The following AGAP1 variants were observed in gnomAD, a reference collection of about 807,000 sequenced individuals.
AGAP1 encodes arf-GAP with GTPase, ANK repeat and PH domain-containing protein 1.
A neutral mutation model predicts 105.3 loss-of-function variants in AGAP1; 29 were observed. The observed-to-expected ratio is 0.28, with a 90% CI of 0.21 to 0.38. The LOEUF (loss-of-function observed/expected upper bound fraction) is 0.38, where lower values mean the gene tolerates loss of function less well. Among genes scored for constraint, AGAP1 ranks in the 10% least tolerant of loss-of-function variants. The pLI, the probability that AGAP1 is intolerant of heterozygous loss-of-function variation, is 1.00. For missense variants in AGAP1, 998 were observed against 1,165.1 expected, an observed-to-expected ratio of 0.86 and a Z score of 2.09; for synonymous variants, 509 against 485.9, an observed-to-expected ratio of 1.05 and a Z score of -0.63.
intron 3 of AGAP1, among the ~76,000 whole-genome samples, chr2:235,722,334 C>T (rs894971049): frequency 3.9e-5 from 6 of 152,210 alleles, no homozygotes; most frequent in Non-Finnish European, 5.9e-5. Context: ...TGTTGCATGT[C>T]TGTGCACAGT....
intron 1 of AGAP1, among the ~76,000 whole-genome samples, chr2:235,515,826 A>T (rs1254397381): frequency 2.0e-5 from 3 of 152,176 alleles, no homozygotes; most frequent in African/African-American, 7.2e-5. Context: ...ACACGCACAG[A>T]GCTGGGCAAA....
rs1943849288 is a variant in AGAP1 at position 235,552,618 on chromosome 2, TGG to T, written c.163+57771_163+57772del. Among the ~76,000 whole-genome samples, 1 of 152,152 alleles carries T rather than the reference TGG, an allele frequency of 6.6e-6. No homozygotes were observed. ...GGCCAGGCACTGGGGATGCGGCGTA[TGG>T]GCAGGTGCACACACACCTGGCAGAG... On this transcript the variant is annotated intron_variant, in intron 1 of 17. Transcript: ENST00000304032. This position sits in a 1 kb window ranked among gnomAD's most constrained non-coding sequence, Gnocchi z 5.9.
rs1322566490 is a variant in AGAP1, at chr2:235,962,984, A to G, written c.1484-5478A>G. On this transcript the variant is annotated intron_variant, in intron 12 of 17. Coordinates refer to ENST00000304032, the MANE Select transcript of AGAP1 (RefSeq NM_001037131.3). The surrounding 1 kb of genome is among the most constrained non-coding windows in gnomAD (Gnocchi z 5.3). Reference sequence around the variant, plus strand: ...AGAACCGGTGGATCTGTGGGAATCCAGAGTCCCATGGGGCTAGAAGTGCTC... The same window carrying G: ...AGAACCGGTGGATCTGTGGGAATCCGGAGTCCCATGGGGCTAGAAGTGCTC... 6.6e-6 allele frequency among the ~76,000 whole-genome samples: 1 copy of G among 152,152 alleles called. No homozygotes were observed. Among genetic ancestry groups the G allele is most frequent in the Non-Finnish European group, 1.5e-5 (1 of 68,038 alleles).
chr2:236,003,726 A>T lies in AGAP1; in HGVS notation c.1646-32835A>T, dbSNP rs1414867929. ...CTGATCAAATTCAGTCATTAACCCCACTGAAACCTGACAAGGCCTGTGTGC... is the reference window on the plus strand; with the variant it reads ...CTGATCAAATTCAGTCATTAACCCCTCTGAAACCTGACAAGGCCTGTGTGC... On this transcript the variant is annotated intron_variant, in intron 13 of 17. Coordinates refer to ENST00000304032, the MANE Select transcript of AGAP1 (RefSeq NM_001037131.3). The surrounding 1 kb of genome is among the most constrained non-coding windows in gnomAD (Gnocchi z 4.2). Among the ~76,000 whole-genome samples the T allele has an allele frequency of 6.6e-6, 1 of 150,958 alleles. No individual in the cohort carries two copies. Among genetic ancestry groups the T allele is most frequent in the Non-Finnish European group, 1.5e-5 (1 of 67,900 alleles).
rs1057138683 is a variant in AGAP1 at position 235,877,058 on chromosome 2, G to A, written c.1051-6287G>A. ...AGTTGGGGCTTCACCATTTGGTCAG[G>A]CTGGTCTCAAACTCCTGACCTCATG... On this transcript the variant is annotated intron_variant, in intron 9 of 17. Transcript: ENST00000304032. This position sits in a 1 kb window ranked among gnomAD's most constrained non-coding sequence, Gnocchi z 4.3. Among the ~76,000 whole-genome samples, 6 of 151,902 alleles carry A rather than the reference G, an allele frequency of 3.9e-5. No individual in the cohort carries two copies. The highest frequency in any genetic ancestry group is 7.4e-5 in the Non-Finnish European group (5 of 67,996).
rs1436086295 is a variant in AGAP1, at chr2:236,053,687, T to A, written c.2114+4406T>A. 3.9e-5 allele frequency among the ~76,000 whole-genome samples: 6 copies of A among 152,260 alleles called. No homozygotes were observed. Among genetic ancestry groups the A allele is most frequent in the African/African-American group, 1.4e-4 (6 of 41,470 alleles). Reference sequence around the variant, plus strand: ...CCCCCAAGGCCCTGCAGGGACTCGCTGCTATTTGCATTTCAGTGCAGGTAG... The same window carrying A: ...CCCCCAAGGCCCTGCAGGGACTCGCAGCTATTTGCATTTCAGTGCAGGTAG... On this transcript the variant is annotated intron_variant, in intron 16 of 17. Transcript: ENST00000304032. The surrounding 1 kb of genome is among the most constrained non-coding windows in gnomAD (Gnocchi z 4.6).
At chr2:235,800,880 T>G (rs1445364510) in intron 8 of AGAP1, among the ~76,000 whole-genome samples, 1 of 152,210 alleles carries the variant, frequency 6.6e-6, no homozygotes, top group African/African-American at 2.4e-5. Flanking sequence ...TTAAACCATC[T>G]GACTTCCATT....
intron 13 of AGAP1, among the ~76,000 whole-genome samples, chr2:235,980,226 C>G (rs942458017): frequency 3.3e-5 from 5 of 152,224 alleles, no homozygotes; most frequent in Non-Finnish European, 5.9e-5. Flanking sequence ...GGCCCCTGTG[C>G]TCCTCGAATA....
In AGAP1 at chr2:235,973,452, C is replaced by T. The variant is rs1466567652; in HGVS notation, c.1645+4829C>T. On this transcript the variant is annotated intron_variant, in intron 13 of 17. Coordinates refer to ENST00000304032, the MANE Select transcript of AGAP1 (RefSeq NM_001037131.3). The surrounding 1 kb of genome is among the most constrained non-coding windows in gnomAD (Gnocchi z 4.7). ...AGGCTCTTATGTCACAGATGGGCTG[C>T]TGTGCTGCGTGGTCATTGAGACCAA... 6.6e-6 allele frequency among the ~76,000 whole-genome samples: 1 copy of T among 152,146 alleles called. No homozygotes were observed. The highest frequency in any genetic ancestry group is 6.5e-5 in the Admixed American group (1 of 15,284).
In AGAP1 at chr2:235,662,910, TC is replaced by T. The variant is rs1948008727; in HGVS notation, c.164-46268del. 6.6e-6 allele frequency among the ~76,000 whole-genome samples: 1 copy of T among 152,134 alleles called. No individual in the cohort carries two copies. Among genetic ancestry groups the T allele is most frequent in the South Asian group, 2.1e-4 (1 of 4,822 alleles). On this transcript the variant is annotated intron_variant, in intron 1 of 17. Transcript: ENST00000304032. This position sits in a 1 kb window ranked among gnomAD's most constrained non-coding sequence, Gnocchi z 4.2. ...TCAGATGTGATTCCGGGGACGCAGT[TC>T]TTTCTTAAGAGCTCTGATGCATGTT...
chr2:235,778,193 G>C (rs773631743), intron 6 of AGAP1, among the ~76,000 whole-genome samples: 9 of 152,160 alleles, frequency 5.9e-5, no homozygotes, highest in Non-Finnish European at 1.0e-4. Flanking sequence ...CCCTGTGGCT[G>C]CTTGAGCACC....
In AGAP1 at chr2:236,056,002, T is replaced by C. The variant is rs2125735470; in HGVS notation, c.2114+6721T>C. Among the ~76,000 whole-genome samples, 1 of 152,284 alleles carries C rather than the reference T, an allele frequency of 6.6e-6. No individual in the cohort carries two copies. On this transcript the variant is annotated intron_variant, in intron 16 of 17. Coordinates refer to ENST00000304032, the MANE Select transcript of AGAP1 (RefSeq NM_001037131.3). This position sits in a 1 kb window ranked among gnomAD's most constrained non-coding sequence, Gnocchi z 4.6. ...AATGAGAAGTACGTTAACACTGCCT[T>C]TAAAATAATACCTACAGATTACAGT...
intron 16 of AGAP1, among the ~76,000 whole-genome samples, chr2:236,118,969 G>T (rs1004232693): frequency 2.0e-5 from 3 of 152,000 alleles, no homozygotes; most frequent in Non-Finnish European, 4.4e-5. Context: ...CTTCCTTTGG[G>T]TCAACATAAA....
rs1021916209 is a variant in AGAP1, at chr2:235,689,196, C to T, written c.164-19983C>T. 6.6e-6 allele frequency among the ~76,000 whole-genome samples: 1 copy of T among 152,314 alleles called. No individual in the cohort carries two copies. Among genetic ancestry groups the T allele is most frequent in the African/African-American group, 2.4e-5 (1 of 41,578 alleles). ...CCCTTGTGCTGCCTTCGGTAGATGG[C>T]CCCGGCCCTGCCTATGCCTTGGACA... On this transcript the variant is annotated intron_variant, in intron 1 of 17. Coordinates refer to ENST00000304032, the MANE Select transcript of AGAP1 (RefSeq NM_001037131.3). This position sits in a 1 kb window ranked among gnomAD's most constrained non-coding sequence, Gnocchi z 4.2.
Position 236,027,990 on chromosome 2 carries a change from GT to G in AGAP1, c.1646-8570del, listed in dbSNP as rs1350657508. On this transcript the variant is annotated intron_variant, in intron 13 of 17. Transcript: ENST00000304032. This position sits in a 1 kb window ranked among gnomAD's most constrained non-coding sequence, Gnocchi z 4.4. ...TCTTTATTTCTTCATTATTTGTATAGTCCTGTGCTTTTCCAGGTTTAGAGTT... is the reference window on the plus strand; with the variant it reads ...TCTTTATTTCTTCATTATTTGTATAGCCTGTGCTTTTCCAGGTTTAGAGTT... Among the ~76,000 whole-genome samples, 1 of 152,140 alleles carries G rather than the reference GT, an allele frequency of 6.6e-6. No individual in the cohort carries two copies. Among genetic ancestry groups the G allele is most frequent in the Non-Finnish European group, 1.5e-5 (1 of 68,036 alleles).
rs537579148 is a variant in AGAP1 at position 236,004,218 on chromosome 2, T to C, written c.1646-32343T>C. ...TGAGACCATTCCTGAGTTTAGACCT[T>C]CCCAGGGGAGATCAGTGACCACAGA... On this transcript the variant is annotated intron_variant, in intron 13 of 17. Coordinates refer to ENST00000304032, the MANE Select transcript of AGAP1 (RefSeq NM_001037131.3). 2.0e-5 allele frequency among the ~76,000 whole-genome samples: 3 copies of C among 152,258 alleles called. No individual in the cohort carries two copies. In the East Asian group the frequency reaches 5.8e-4, roughly 29 times the overall value.
At chr2:235,835,796 G>A (rs1408863905) in intron 9 of AGAP1, among the ~76,000 whole-genome samples, 1 of 152,200 alleles carries the variant, frequency 6.6e-6, no homozygotes, top group Non-Finnish European at 1.5e-5. Flanking sequence ...GATTAAGGTA[G>A]AAAGTAATGA....
In AGAP1 at chr2:235,694,053, C is replaced by A. The variant is rs117213986; in HGVS notation, c.164-15126C>A. On this transcript the variant is annotated intron_variant, in intron 1 of 17. Transcript: ENST00000304032. Reference sequence around the variant, plus strand: ...TGATTCAAAGCATGAGGAATAAGATCGGGAAGCTGGCCAGATGTGGTGGCT... The same window carrying A: ...TGATTCAAAGCATGAGGAATAAGATAGGGAAGCTGGCCAGATGTGGTGGCT... Among the ~76,000 whole-genome samples, 10 of 152,086 alleles carry A rather than the reference C, an allele frequency of 6.6e-5. No individual in the cohort carries two copies. The East Asian group carries it at 1.7e-3, about 26-fold the overall frequency.
intron 16 of AGAP1, among the ~76,000 whole-genome samples, chr2:236,103,722 A>G (rs2059416360): frequency 6.6e-6 from 1 of 151,734 alleles, no homozygotes; most frequent in Non-Finnish European, 1.5e-5. Flanking sequence ...GGCACCCACC[A>G]CCACACCTGG....
Sources: allele counts gnomAD v4.1 joint callset (sites outside exome capture counted in the v4.1 genomes callset), GRCh38; gene constraint gnomAD v4.1.1; non-coding constraint Gnocchi (gnomAD v3.1); transcripts MANE v1.5; gene names NCBI Gene and HGNC (gene_info 2026-07-23, HGNC 2026-07-21).